The following ARHGEF4 variants were observed in gnomAD, a reference collection of about 807,000 sequenced individuals.
ARHGEF4 encodes Rho guanine nucleotide exchange factor 4.
In ARHGEF4, 119 loss-of-function variants were observed where a neutral mutation model predicts 162.0. The ratio of observed to expected loss-of-function variants is 0.73; its 90% CI spans 0.63 to 0.86. ARHGEF4 has a LOEUF of 0.86. ARHGEF4 is among the 40% of genes least tolerant of loss of function. The pLI is 0.00. For synonymous variants in ARHGEF4, 1,014 were observed against 979.9 expected, an observed-to-expected ratio of 1.03 and a Z score of -0.65; for missense variants, 2,488 against 2,456.0, an observed-to-expected ratio of 1.01 and a Z score of -0.28.
At chr2:130,899,515 C>T (rs1680364721) in intron 1 of ARHGEF4, among the ~76,000 whole-genome samples, 1 of 152,162 alleles carries the variant, frequency 6.6e-6, no homozygotes, top group Non-Finnish European at 1.5e-5. Flanking sequence ...TGTGTGTCTG[C>T]TGTGCAGTGG....
At chr2:130,958,898 T>TCA (rs933229449) in intron 4 of ARHGEF4, among the ~76,000 whole-genome samples, 2 of 152,052 alleles carry the variant, frequency 1.3e-5, no homozygotes, top group African/African-American at 4.8e-5. Context: ...TTAGAGCAGA[T>TCA]GTTGAATGGC....
intron 1 of ARHGEF4, among the ~76,000 whole-genome samples, chr2:130,902,842 C>G (rs894142622): frequency 5.3e-5 from 8 of 152,166 alleles, no homozygotes; most frequent in African/African-American, 1.9e-4. Context: ...ATCTGACATT[C>G]TTATAATTTC....
chr2:130,841,415 C>T (rs1680605782), intron 1 of ARHGEF4, among the ~76,000 whole-genome samples: 1 of 147,696 alleles, frequency 6.8e-6, no homozygotes. Context: ...CTACACACAT[C>T]AGATAGGACC....
chr2:130,971,531 G>A (rs1352187774), intron 4 of ARHGEF4, among the ~76,000 whole-genome samples: 3 of 151,884 alleles, frequency 2.0e-5, no homozygotes, highest in African/African-American at 4.8e-5. Context: ...GGTGGCGGGC[G>A]CCTGTAATCC....
At chr2:130,939,254 G>A (rs1683139607) in intron 3 of ARHGEF4, among the ~76,000 whole-genome samples, 1 of 152,220 alleles carries the variant, frequency 6.6e-6, no homozygotes, top group Non-Finnish European at 1.5e-5. Flanking sequence ...TCTTATGGCT[G>A]CATAAGTTGT....
At chr2:131,038,818 C>G in intron 5 of ARHGEF4, 35 bp from the exon 6 acceptor site, 2 of 1,572,696 alleles carry the variant, frequency 1.3e-6, no homozygotes, top group Non-Finnish European at 1.7e-6. Flanking sequence ...GGCAGCCTCC[C>G]CCACTGACCC....
intron 4 of ARHGEF4, among the ~76,000 whole-genome samples, chr2:131,003,349 C>A (rs775886858): frequency 6.6e-5 from 10 of 152,244 alleles, no homozygotes; most frequent in African/African-American, 2.4e-4. Context: ...CATGAATGCT[C>A]CTGGCACATG....
chr2:130,909,935 A>G (rs1387410809), intron 1 of ARHGEF4, among the ~76,000 whole-genome samples: 1 of 152,214 alleles, frequency 6.6e-6, no homozygotes, highest in African/African-American at 2.4e-5. Flanking sequence ...AGGACAAAAA[A>G]AGAAGGAAGA....
In ARHGEF4 at chr2:130,982,574, C is replaced by A. The variant is rs374108901; in HGVS notation, c.3985+35939C>A. Among the ~76,000 whole-genome samples, 12 of 145,904 alleles carry A rather than the reference C, an allele frequency of 8.2e-5. No homozygotes were observed. In the East Asian group the frequency reaches 2.4e-3, roughly 30 times the overall value. On this transcript the variant is annotated intron_variant, in intron 4 of 13. Coordinates refer to ENST00000409359, the MANE Select transcript of ARHGEF4 (RefSeq NM_001367493.1). ...CTTTTTTCGCCTCCTCCTCCTCCCCCTTCTCCTCCCCCTCCTCCTCCTTTC... is the reference window on the plus strand; with the variant it reads ...CTTTTTTCGCCTCCTCCTCCTCCCCATTCTCCTCCCCCTCCTCCTCCTTTC...
At chr2:131,000,602 T>G (rs1687699012) in intron 4 of ARHGEF4, among the ~76,000 whole-genome samples, 1 of 152,208 alleles carries the variant, frequency 6.6e-6, no homozygotes, top group South Asian at 2.1e-4. Context: ...AACTACCATT[T>G]TAATTTCTTA....
chr2:131,038,232 C>T (rs1690450113), intron 5 of ARHGEF4, among the ~76,000 whole-genome samples: 4 of 151,774 alleles, frequency 2.6e-5, no homozygotes, highest in Admixed American at 2.6e-4. Flanking sequence ...CAGCCCCTCC[C>T]TCCTGCAGCC....
intron 3 of ARHGEF4, among the ~76,000 whole-genome samples, 166 bp from the exon 4 acceptor site, chr2:130,946,342 TC>T (rs1433906630): frequency 1.3e-5 from 2 of 152,346 alleles, no homozygotes; most frequent in Non-Finnish European, 2.9e-5. Flanking sequence ...GTGAAGTTTT[TC>T]TTGTGAGTTT....
chr2:131,043,615 G>A (rs755242029), intron 11 of ARHGEF4, 32 bp downstream of exon 11: 6 of 1,612,912 alleles, frequency 3.7e-6, no homozygotes, highest in Admixed American at 3.3e-5. Context: ...GCTGCCCCAA[G>A]TTGAGCAAGT....
chr2:130,909,448 A>G (rs1312576414), intron 1 of ARHGEF4, among the ~76,000 whole-genome samples: 1 of 152,198 alleles, frequency 6.6e-6, no homozygotes, highest in Non-Finnish European at 1.5e-5. Flanking sequence ...TTCCATTTAT[A>G]TGAAATTCTA....
At chr2:131,012,850 G>A (rs1409234025) in intron 4 of ARHGEF4, among the ~76,000 whole-genome samples, 1 of 152,162 alleles carries the variant, frequency 6.6e-6, no homozygotes, top group East Asian at 1.9e-4. Flanking sequence ...CAAAATGCTG[G>A]GATTAGAGGC....
chr2:130,978,108 T>C (rs1179954359), intron 4 of ARHGEF4, among the ~76,000 whole-genome samples: 1 of 152,200 alleles, frequency 6.6e-6, no homozygotes, highest in African/African-American at 2.4e-5. Context: ...AATACAAGTT[T>C]CAAGCTTTAA....
chr2:130,885,658 C>G (rs1679476603), intron 1 of ARHGEF4, among the ~76,000 whole-genome samples: 1 of 149,438 alleles, frequency 6.7e-6, no homozygotes, highest in South Asian at 2.1e-4. Flanking sequence ...CAACCTCTGC[C>G]TCCTGGGTTC....
intron 2 of ARHGEF4, among the ~76,000 whole-genome samples, chr2:130,921,703 G>A (rs1017480519): frequency 3.3e-5 from 5 of 151,930 alleles, no homozygotes; most frequent in African/African-American, 1.2e-4. Flanking sequence ...TTTTGTTTTT[G>A]TTTTTTGAGA....
intron 1 of ARHGEF4, among the ~76,000 whole-genome samples, chr2:130,910,386 G>A (rs1383684264): frequency 6.6e-6 from 1 of 152,150 alleles, no homozygotes; most frequent in African/African-American, 2.4e-5. Context: ...GGCCTTTAAA[G>A]GAAAAGTCTT....
Sources: allele counts gnomAD v4.1 joint callset (sites outside exome capture counted in the v4.1 genomes callset), GRCh38; gene constraint gnomAD v4.1.1; transcripts MANE v1.5; gene names NCBI Gene and HGNC (gene_info 2026-07-23, HGNC 2026-07-21).